ACAD11: variants seen among roughly 807,000 people sequenced by gnomAD.
The protein encoded by ACAD11 is acyl-CoA dehydrogenase family member 11.
ACAD11 carries 83 observed loss-of-function variants against 102.2 expected under a neutral mutation model. That is an observed-to-expected ratio of 0.81 (90% confidence interval 0.68 to 0.97). The LOEUF (loss-of-function observed/expected upper bound fraction) is 0.97. ACAD11 is among the 50% of genes least tolerant of loss of function. The probability of loss-of-function intolerance (pLI) is 0.00; values close to 1 mark genes in which losing one functional copy is unlikely to be tolerated. For synonymous variants in ACAD11, 324 were observed against 319.8 expected (o/e 1.01, Z -0.14); for missense variants, 901 against 951.7 (o/e 0.95, Z 0.70).
intron 3 of ACAD11, 149 bp from the exon 4 acceptor site, chr3:132,642,282 A>C: frequency 1.3e-6 from 1 of 747,630 alleles, no homozygotes. Flanking sequence ...ATGAATATAA[A>C]CATCAAAACT....
At chr3:132,635,602 G>A (rs920146084) in intron 5 of ACAD11, among the ~76,000 whole-genome samples, 1 of 152,080 alleles carries the variant, frequency 6.6e-6, no homozygotes, top group Non-Finnish European at 1.5e-5. Context: ...AATTTTCTCA[G>A]CCATAATATA....
intron 5 of ACAD11, among the ~76,000 whole-genome samples, chr3:132,637,603 TA>T (rs1940320594): frequency 6.6e-6 from 1 of 152,182 alleles, no homozygotes. Context: ...GATTTTACAT[TA>T]AACTCCAAGA....
At chr3:132,610,991 G>A (rs183579069) in intron 11 of ACAD11, among the ~76,000 whole-genome samples, 4 of 151,894 alleles carry the variant, frequency 2.6e-5, no homozygotes, top group East Asian at 1.9e-4. Context: ...ACTGGCAAAC[G>A]GAATCCAGCA....
intron 9 of ACAD11, among the ~76,000 whole-genome samples, chr3:132,623,761 C>A (rs1235554820): frequency 6.6e-6 from 1 of 152,138 alleles, no homozygotes; most frequent in African/African-American, 2.4e-5. Flanking sequence ...CACAACCCAA[C>A]CTGTGACACC....
At chr3:132,562,354 C>T (rs1030278397) in intron 17 of ACAD11, among the ~76,000 whole-genome samples, 3 of 152,318 alleles carry the variant, frequency 2.0e-5, no homozygotes, top group East Asian at 1.9e-4. Context: ...CTGCCTGCCT[C>T]GGCCTCCCAA....
intron 5 of ACAD11, among the ~76,000 whole-genome samples, chr3:132,633,124 G>A (rs1940120423): frequency 6.6e-6 from 1 of 152,294 alleles, no homozygotes; most frequent in South Asian, 2.1e-4. Context: ...AATAGGAGTG[G>A]TGAGAGAGGG....
chr3:132,618,576 A>G (rs773655161), intron 11 of ACAD11, 58 bp downstream of exon 11: 2 of 1,398,286 alleles, frequency 1.4e-6, no homozygotes, highest in African/African-American at 3.0e-5. Flanking sequence ...CATATATAGA[A>G]ATTTTAAACA....
chr3:132,579,308 C>T (rs1937565726), intron 14 of ACAD11, 184 bp downstream of exon 14: 1 of 625,450 alleles, frequency 1.6e-6, no homozygotes, highest in African/African-American at 1.8e-5. Context: ...CAGCAATACT[C>T]CCTATAATGT....
At chr3:132,593,908 T>C (rs548151938) in intron 13 of ACAD11, among the ~76,000 whole-genome samples, 1 of 152,308 alleles carries the variant, frequency 6.6e-6, no homozygotes, top group East Asian at 1.9e-4. Context: ...AAGCATCAAG[T>C]AAGTACTTTG....
Position 132,609,989 on chromosome 3 carries a change from G to A in ACAD11, c.1415-4784C>T, listed in dbSNP as rs564763753. Among the ~76,000 whole-genome samples the A allele has an allele frequency of 1.8e-4, 27 of 152,090 alleles. No individual in the cohort carries two copies. The South Asian group carries it at 3.9e-3, about 22-fold the overall frequency. ...CTGGTTCAACATATGCAAACCAATC[G>A]ATGTAATCCATCACATAAACAGAAC... On this transcript the variant is annotated intron_variant, in intron 11 of 19. Coordinates refer to ENST00000264990, the MANE Select transcript of ACAD11 (RefSeq NM_032169.5).
chr3:132,612,247 T>C (rs979046311), intron 11 of ACAD11, among the ~76,000 whole-genome samples: 2 of 151,994 alleles, frequency 1.3e-5, no homozygotes, highest in African/African-American at 4.8e-5. Flanking sequence ...AAGACTTACA[T>C]GTTAGACCTA....
chr3:132,582,948 CAG>C (rs1489979944), intron 13 of ACAD11, among the ~76,000 whole-genome samples: 3 of 152,092 alleles, frequency 2.0e-5, no homozygotes, highest in African/African-American at 7.2e-5. Context: ...CTAACTGGGA[CAG>C]AAAATTTTTT....
At chr3:132,626,278 A>G (rs1576601497) in intron 9 of ACAD11, among the ~76,000 whole-genome samples, 1 of 152,258 alleles carries the variant, frequency 6.6e-6, no homozygotes, top group South Asian at 2.1e-4. Flanking sequence ...AGCTTATAGG[A>G]AGAGGGGTGG....
At chr3:132,576,454 C>G (rs933365771) in intron 16 of ACAD11, among the ~76,000 whole-genome samples, 1 of 152,162 alleles carries the variant, frequency 6.6e-6, no homozygotes, top group Non-Finnish European at 1.5e-5. Context: ...GGATGGCATA[C>G]AGTGTTCAAA....
At chr3:132,582,164 AATAAG>A (rs903711860) in intron 13 of ACAD11, among the ~76,000 whole-genome samples, 16 of 152,156 alleles carry the variant, frequency 1.1e-4, no homozygotes, top group African/African-American at 3.4e-4. Flanking sequence ...AAAACAATGT[AATAAG>A]ATAAATACGT....
At chr3:132,658,831 C>T (rs547776376) in intron 1 of ACAD11, among the ~76,000 whole-genome samples, 2 of 152,202 alleles carry the variant, frequency 1.3e-5, no homozygotes, top group African/African-American at 4.8e-5. Flanking sequence ...ACCTATATTA[C>T]GGTATTTCAT....
chr3:132,586,283 T>C (rs1471584894), intron 13 of ACAD11, among the ~76,000 whole-genome samples: 6 of 152,000 alleles, frequency 3.9e-5, no homozygotes, highest in Admixed American at 3.3e-4. Context: ...TAGGTGGGAA[T>C]TGAACAATGA....
chr3:132,620,948 A>G (rs1706113376), intron 9 of ACAD11, among the ~76,000 whole-genome samples: 1 of 152,244 alleles, frequency 6.6e-6, no homozygotes, highest in South Asian at 2.1e-4. Context: ...AACAGCTGAA[A>G]AAACAAATCA....
intron 11 of ACAD11, among the ~76,000 whole-genome samples, chr3:132,612,775 G>A (rs556293449): frequency 7.0e-4 from 106 of 152,118 alleles, no homozygotes; most frequent in African/African-American, 2.2e-3. Flanking sequence ...TACACTGTTG[G>A]TGGGACTGTA....
Sources: gnomAD v4.1 joint callset for allele counts (sites outside exome capture counted in the v4.1 genomes callset) on GRCh38, gnomAD v4.1.1 for gene constraint, MANE v1.5 for transcripts, NCBI Gene and HGNC (gene_info 2026-07-23, HGNC 2026-07-21) for gene names.